The following MCM3AP variants were observed in gnomAD, a reference collection of about 807,000 sequenced individuals.
The protein encoded by MCM3AP is germinal-center associated nuclear protein.
A neutral mutation model predicts 184.1 loss-of-function variants in MCM3AP; 126 were observed. That is an observed-to-expected ratio of 0.68 (90% CI 0.59 to 0.79). MCM3AP has a LOEUF of 0.79. MCM3AP is among the 30% of genes least tolerant of loss of function. The pLI, the probability that MCM3AP is intolerant of heterozygous loss-of-function variation, is 0.00. For synonymous variants in MCM3AP, 1,002 were observed against 979.3 expected, an observed-to-expected ratio of 1.02 and a Z score of -0.43; for missense variants, 2,496 against 2,479.2, an observed-to-expected ratio of 1.01 and a Z score of -0.14.
Position 46,284,114 on chromosome 21 carries a change from T to C in MCM3AP, c.1173A>G (p.Pro391=). The change falls in exon 1 of 28, where the codon CCA becomes CCG. Residue 391 remains proline, a synonymous_variant. Transcript: ENST00000291688. The stretch of plus-strand genomic sequence containing the variant: ...CAGTTTCTTCCTCTTTATTCACACC[T>C]GGAATCCGGGAAGGTGCCAGGACAG... ...NQSVLAPSRI[P]GVNKEEETES... is the part of the protein sequence containing the mutation. The C allele has an allele frequency of 1.2e-6, 2 of 1,614,076 alleles. No individual in the cohort carries two copies. The highest frequency in any genetic ancestry group is 1.7e-6 in the Non-Finnish European group (2 of 1,179,974).
chr21:46,275,380 CA>C, intron 5 of MCM3AP, 55 bp from the exon 6 acceptor site: 1 of 1,470,822 alleles, frequency 6.8e-7, no homozygotes, highest in Non-Finnish European at 9.3e-7. Flanking sequence ...CACGAACCTA[CA>C]GAAGTGTATT....
Position 46,285,137 on chromosome 21 carries a change from C to T in MCM3AP, c.150G>A (p.Ser50=), listed in dbSNP as rs201159061. 2.6e-5 allele frequency: 42 copies of T among 1,614,010 alleles called. No homozygotes were observed. In the East Asian group the frequency reaches 6.2e-4, roughly 24 times the overall value. ...GQNSTLSGKS[S]GFSQVSSFPA... is the part of the protein sequence containing the mutation. ...GAAAGCTGGATACCTGTGAAAATCC[C>T]GAGCTCTTCCCAGATAAGGTACTGT... The change falls in exon 1 of 28, where the codon TCG becomes TCA. Residue 50 remains serine (S), a synonymous_variant. Coordinates refer to ENST00000291688, the MANE Select transcript of MCM3AP (RefSeq NM_003906.5).
chr21:46,283,880 CCAA>C (rs2081365025), intron 1 of MCM3AP, 42 bp from the exon 2 acceptor site: 3 of 1,581,100 alleles, frequency 1.9e-6, no homozygotes, highest in Non-Finnish European at 2.6e-6. Flanking sequence ...TCAGATGTTT[CCAA>C]CAACAGGAGG....
At chr21:46,266,944 G>A in intron 10 of MCM3AP, 38 bp downstream of exon 10, 1 of 1,608,290 alleles carries the variant, frequency 6.2e-7, no homozygotes, top group Non-Finnish European at 8.5e-7. Context: ...CAAGAAAAAA[G>A]GAGACAGGGG....
Position 46,277,543 on chromosome 21 carries a change from G to C in MCM3AP, c.1842C>G (p.Asp614Glu). Residue 614 changes from aspartate to glutamate, a missense_variant, in exon 5 of 28, where the codon GAC (aspartate) becomes GAG (glutamate). By Grantham distance (45) the Asp-to-Glu change is conservative. Transcript: ENST00000291688. Reference sequence around the variant, plus strand: ...GTGCCATACCTTGCCGCATGATCCTGTCTCTCTGGTCAAGCAGGCGGTACT... The same window carrying C: ...GTGCCATACCTTGCCGCATGATCCTCTCTCTCTGGTCAAGCAGGCGGTACT... Reference protein sequence around the residue: ...KEKYRLLDQRDRIMRQARVKR... With the variant: ...KEKYRLLDQRERIMRQARVKR... 6.3e-7 allele frequency: 1 copy of C among 1,587,784 alleles called. No individual in the cohort carries two copies. The highest frequency in any genetic ancestry group is 8.6e-7 in the Non-Finnish European group (1 of 1,168,352).
In MCM3AP at chr21:46,284,419, C is replaced by G. The variant is rs1364119668; in HGVS notation, c.868G>C (p.Gly290Arg). The change falls in exon 1 of 28, where the codon GGA becomes CGA. Residue 290 changes from glycine (G) to arginine (R), a missense_variant. Coordinates refer to ENST00000291688, the MANE Select transcript of MCM3AP (RefSeq NM_003906.5). ...TCCTGGTCCTCCTTCCTTTTCAGTC[C>G]TTTCATTAGGCTGGGAAGTGGTTCC... ...QVEPLPSLMK[G>R]LKRKEDQDRS... The G allele has an allele frequency of 6.2e-7, 1 of 1,614,128 alleles. No homozygotes were observed. Among genetic ancestry groups the G allele is most frequent in the South Asian group, 1.1e-5 (1 of 91,084 alleles).
chr21:46,277,868 G>C, intron 4 of MCM3AP, 151 bp from the exon 5 acceptor site: 1 of 467,276 alleles, frequency 2.1e-6, no homozygotes. Context: ...TTTTGATAAG[G>C]ATGGTAATGA....
At chr21:46,261,215 G>A in intron 14 of MCM3AP, 65 bp downstream of exon 14, 1 of 1,587,976 alleles carries the variant, frequency 6.3e-7, no homozygotes, top group Non-Finnish European at 8.6e-7. Context: ...ATCGTGGCTA[G>A]GGTCAGTTCT....
chr21:46,285,531 G>A lies in MCM3AP; in HGVS notation c.-245C>T, dbSNP rs1190125138. 1 of 493,208 alleles carries A rather than the reference G, an allele frequency of 2.0e-6. No individual in the cohort carries two copies. The highest frequency in any genetic ancestry group is 1.9e-5 in the African/African-American group (1 of 51,612). The allele number at this position is 493,208 out of a possible 1,614,324, so 30.6% of individuals were successfully genotyped here. A position where few individuals can be genotyped will look rare whatever the true frequency, so the allele number is the denominator to read the frequency against. On this transcript the variant is annotated 5_prime_UTR_variant, in exon 1 of 28. Coordinates refer to ENST00000291688, the MANE Select transcript of MCM3AP (RefSeq NM_003906.5). ...GTTATTATTTTCTGAGAGCCGATAG[G>A]TTATTTTGTTGGAGGGTGGGGTAGA...
Position 46,256,912 on chromosome 21 carries a change from A to ACGCAGCAGGG in MCM3AP, c.3799_3808dup (p.Val1270AlafsTer23), listed in dbSNP as rs1218260846. The ACGCAGCAGGG allele has an allele frequency of 3.7e-6, 6 of 1,610,718 alleles. No homozygotes were observed. The highest frequency in any genetic ancestry group is 1.7e-5 in the Admixed American group (1 of 59,542). ...CGCCCTCAGCCGGTCGCTCACGTCC[A>ACGCAGCAGGG]CGCAGCAGGGCGCAGCAGGGAAAGC... On this transcript the variant is annotated frameshift_variant, in exon 17 of 28. Transcript: ENST00000291688. LOFTEE classifies it high-confidence loss of function.
At chr21:46,264,251 G>A (rs1273062466) in intron 12 of MCM3AP, 34 bp from the exon 13 acceptor site, 17 of 1,367,744 alleles carry the variant, frequency 1.2e-5, no homozygotes, top group African/African-American at 7.2e-5. Context: ...GTAATGGAAC[G>A]TCCCACCCAG....
At chr21:46,240,708 C>T in intron 26 of MCM3AP, 103 bp downstream of exon 26, 1 of 1,033,260 alleles carries the variant, frequency 9.7e-7, no homozygotes, top group Non-Finnish European at 1.4e-6. Context: ...TCCACCTGCC[C>T]TTCTCCATCC....
At chr21:46,271,728 G>A (rs1261795625) in intron 8 of MCM3AP, among the ~76,000 whole-genome samples, 1 of 151,906 alleles carries the variant, frequency 6.6e-6, no homozygotes, top group Non-Finnish European at 1.5e-5. Context: ...GGGCATGGTG[G>A]TATGTGCCTG....
At chr21:46,279,951 T>C in intron 4 of MCM3AP, 42 bp downstream of exon 4, 5 of 1,581,138 alleles carry the variant, frequency 3.2e-6, no homozygotes, top group African/African-American at 1.4e-5. Flanking sequence ...CGCTATTTCC[T>C]GGTCCTTCCG....
chr21:46,260,143 A>C (rs1046747622), intron 15 of MCM3AP, among the ~76,000 whole-genome samples: 12 of 143,844 alleles, frequency 8.3e-5, no homozygotes, highest in African/African-American at 3.0e-4. Context: ...ATTGTAAAAG[A>C]AGCTTTAATA....
chr21:46,277,594 G>A lies in MCM3AP; in HGVS notation c.1791C>T (p.Gly597=). The change falls in exon 5 of 28, where the codon GGC becomes GGT. Residue 597 remains glycine, a synonymous_variant. Coordinates refer to ENST00000291688, the MANE Select transcript of MCM3AP (RefSeq NM_003906.5). The part of the protein sequence containing the change: ...PCVLSLSTLI[G]TVAETSKEKY... The stretch of plus-strand genomic sequence containing the variant: ...TCTCCTTGGATGTCTCAGCCACAGT[G>A]CCTATCAGGGTACTGAGGGAGAGCA... 1 of 1,611,382 alleles carries A rather than the reference G, an allele frequency of 6.2e-7. No homozygotes were observed. The highest frequency in any genetic ancestry group is 1.3e-5 in the African/African-American group (1 of 74,906).
At chr21:46,260,410 T>C (rs1162287458) in intron 15 of MCM3AP, among the ~76,000 whole-genome samples, 1 of 152,182 alleles carries the variant, frequency 6.6e-6, no homozygotes, top group Non-Finnish European at 1.5e-5. Context: ...CTCAGTCTCT[T>C]GAGTTGCTGG....
chr21:46,243,099 G>A, intron 24 of MCM3AP, 168 bp from the exon 25 acceptor site: 2 of 650,692 alleles, frequency 3.1e-6, no homozygotes, highest in Non-Finnish European at 2.6e-6. Flanking sequence ...TTTGATTAAA[G>A]TCACACAATT....
At chr21:46,281,067 A>G (rs1272222660) in intron 2 of MCM3AP, among the ~76,000 whole-genome samples, 6 of 152,038 alleles carry the variant, frequency 3.9e-5, no homozygotes, top group Non-Finnish European at 2.9e-5. Context: ...TGGCCTCCCA[A>G]AGTGCTGGGA....
Sources: allele counts gnomAD v4.1 joint callset (sites outside exome capture counted in the v4.1 genomes callset), GRCh38; gene constraint gnomAD v4.1.1; transcripts MANE v1.5; gene names NCBI Gene and HGNC (gene_info 2026-07-23, HGNC 2026-07-21).